PLCL2: variants seen among roughly 807,000 people sequenced by gnomAD.
PLCL2 encodes the protein phospholipase C like 2.
In PLCL2, 4 loss-of-function variants were observed where a neutral mutation model predicts 79.6. That is an observed-to-expected ratio of 0.05 (90% CI 0.02 to 0.11). The LOEUF is 0.11. Among genes scored for constraint, PLCL2 ranks in the 10% least tolerant of loss-of-function variants. PLCL2 has a pLI of 1.00. For missense variants in PLCL2, 895 were observed against 1,291.0 expected (o/e 0.69, Z 4.70); for synonymous variants, 484 against 457.7 (o/e 1.06, Z -0.73).
intron 1 of PLCL2, among the ~76,000 whole-genome samples, chr3:16,944,664 T>C (rs2063583764): frequency 6.6e-6 from 1 of 152,128 alleles, no homozygotes; most frequent in Non-Finnish European, 1.5e-5. Context: ...CTGGAGCACC[T>C]TAATCTTGGA....
chr3:16,906,248 A>G (rs1282676454), intron 1 of PLCL2, among the ~76,000 whole-genome samples: 3 of 152,154 alleles, frequency 2.0e-5, no homozygotes, highest in African/African-American at 7.2e-5. Flanking sequence ...TGTTGTACCC[A>G]GTGAATAAGT....
intron 1 of PLCL2, among the ~76,000 whole-genome samples, chr3:16,925,049 G>A (rs563573194): frequency 1.8e-4 from 28 of 151,460 alleles, no homozygotes; most frequent in Non-Finnish European, 2.8e-4. Flanking sequence ...TCAGCCTCCC[G>A]TGTAGCTGGG....
intron 3 of PLCL2, among the ~76,000 whole-genome samples, chr3:17,028,585 T>C (rs1324603340): frequency 6.6e-6 from 1 of 151,918 alleles, no homozygotes; most frequent in Non-Finnish European, 1.5e-5. Flanking sequence ...CAAACAATTC[T>C]CCTGCCTCAG....
chr3:17,016,630 G>A (rs2064387644), intron 3 of PLCL2, among the ~76,000 whole-genome samples: 1 of 152,206 alleles, frequency 6.6e-6, no homozygotes. Context: ...AACACAGGAA[G>A]CATGCTGAGA....
Position 17,009,615 on chromosome 3 carries a change from C to A in PLCL2, c.328-59C>A. On this transcript the variant is annotated intron_variant, in intron 1 of 5. Coordinates refer to ENST00000615277, the MANE Select transcript of PLCL2 (RefSeq NM_001144382.2). The surrounding 1 kb of genome is among the most constrained non-coding windows in gnomAD (Gnocchi z 4.0). ...AGGAAATTAAATTTCTATTCATAAT[C>A]TTGAACATAGAAACCTATATTTATG... is the stretch of plus-strand genomic sequence containing the variant. 1.1e-6 allele frequency: 1 copy of A among 870,036 alleles called. No individual in the cohort carries two copies. Among genetic ancestry groups the A allele is most frequent in the Non-Finnish European group, 1.7e-6 (1 of 579,660 alleles). The allele number at this position is 870,036 out of a possible 1,614,324, so 53.9% of individuals were successfully genotyped here.
chr3:17,051,640 G>C (rs2064840027), intron 4 of PLCL2, among the ~76,000 whole-genome samples: 1 of 152,084 alleles, frequency 6.6e-6, no homozygotes, highest in Admixed American at 6.6e-5. Flanking sequence ...GTTTTGTGCA[G>C]ATGCAGTCAG....
intron 1 of PLCL2, among the ~76,000 whole-genome samples, chr3:17,007,002 A>G (rs545361079): frequency 1.3e-5 from 2 of 152,380 alleles, no homozygotes; most frequent in Admixed American, 6.5e-5. Context: ...TTGGGAAAAT[A>G]CTATATATTT....
chr3:17,068,937 T>G (rs1200977356), intron 5 of PLCL2, among the ~76,000 whole-genome samples: 1 of 152,184 alleles, frequency 6.6e-6, no homozygotes, highest in Non-Finnish European at 1.5e-5. Flanking sequence ...AATGTAAAAT[T>G]ACTCTCTGGT....
At chr3:16,910,476 G>T (rs1197274067) in intron 1 of PLCL2, among the ~76,000 whole-genome samples, 1 of 151,930 alleles carries the variant, frequency 6.6e-6, no homozygotes, top group Non-Finnish European at 1.5e-5. Context: ...TACTCTCCCA[G>T]TTCTCCTCCT....
intron 3 of PLCL2, among the ~76,000 whole-genome samples, chr3:17,042,369 A>G (rs914894127): frequency 6.6e-6 from 1 of 152,250 alleles, no homozygotes; most frequent in African/African-American, 2.4e-5. Context: ...TTTTAGAGGT[A>G]CTATTAGTGA....
intron 4 of PLCL2, among the ~76,000 whole-genome samples, chr3:17,051,223 G>A (rs1332461389): frequency 6.6e-6 from 1 of 152,130 alleles, no homozygotes; most frequent in Non-Finnish European, 1.5e-5. Context: ...GGAAGAACGA[G>A]TAAGACCTAG....
At chr3:16,938,369 A>G (rs937079376) in intron 1 of PLCL2, among the ~76,000 whole-genome samples, 2 of 152,224 alleles carry the variant, frequency 1.3e-5, no homozygotes, top group Admixed American at 6.5e-5. Context: ...AAGAAGTAGT[A>G]TTATAGAAAA....
intron 1 of PLCL2, among the ~76,000 whole-genome samples, chr3:16,916,169 A>G (rs1696990733): frequency 1.3e-5 from 2 of 152,142 alleles, no homozygotes; most frequent in Admixed American, 1.3e-4. Flanking sequence ...TAAACCTGCC[A>G]CACTGTGGAA....
chr3:17,067,071 G>GA lies in PLCL2; in HGVS notation c.3095-879dup, dbSNP rs535963551. Among the ~76,000 whole-genome samples, 750 of 151,884 alleles carry GA rather than the reference G, an allele frequency of 4.9e-3. 3 individuals carry two copies. Among genetic ancestry groups the GA allele is most frequent in the South Asian group, 9.6e-3 (46 of 4,778 alleles). ...CCTCCACCACATACATGTAAAATGA[G>GA]AAAAAAGAAACACATGACCTAATTG... On this transcript the variant is annotated intron_variant, in intron 4 of 5. Coordinates refer to ENST00000615277, the MANE Select transcript of PLCL2 (RefSeq NM_001144382.2).
chr3:17,065,348 C>T (rs904748865), intron 4 of PLCL2, among the ~76,000 whole-genome samples: 16 of 152,174 alleles, frequency 1.1e-4, no homozygotes, highest in African/African-American at 3.1e-4. Context: ...TCTTCAAGTC[C>T]CCAATCCTTC....
At chr3:16,897,461 G>C (rs890225316) in intron 1 of PLCL2, among the ~76,000 whole-genome samples, 3 of 152,152 alleles carry the variant, frequency 2.0e-5, no homozygotes, top group African/African-American at 7.2e-5. Context: ...GCATTCTGCA[G>C]CATGAAGGAG....
intron 5 of PLCL2, among the ~76,000 whole-genome samples, chr3:17,068,844 A>G (rs533116063): frequency 6.6e-6 from 1 of 152,310 alleles, no homozygotes; most frequent in African/African-American, 2.4e-5. Context: ...GCTTTACCTC[A>G]ATAGTTCTTC....
At chr3:17,078,480 C>A (rs865857440) in intron 5 of PLCL2, among the ~76,000 whole-genome samples, 2 of 151,700 alleles carry the variant, frequency 1.3e-5, no homozygotes, top group Non-Finnish European at 2.9e-5. Context: ...GCATCTATAT[C>A]GTATCTTGGA....
intron 3 of PLCL2, among the ~76,000 whole-genome samples, chr3:17,015,722 CA>C (rs1389682220): frequency 2.0e-5 from 3 of 152,188 alleles, no homozygotes; most frequent in Non-Finnish European, 4.4e-5. Context: ...TCCTCCACTC[CA>C]AAAGCACAAG....
Sources: allele counts gnomAD v4.1 joint callset (sites outside exome capture counted in the v4.1 genomes callset), GRCh38; gene constraint gnomAD v4.1.1; non-coding constraint Gnocchi (gnomAD v3.1); transcripts MANE v1.5; gene names NCBI Gene and HGNC (gene_info 2026-07-23, HGNC 2026-07-21).